Variants in ANKRD36B observed in about 807,000 individuals in gnomAD.
The protein encoded by ANKRD36B is ankyrin repeat domain 36B.
Under a neutral mutation model 135.7 loss-of-function variants are expected in ANKRD36B, and 37 were observed. The ratio of observed to expected loss-of-function variants is 0.27; its 90% CI spans 0.21 to 0.36. The LOEUF (loss-of-function observed/expected upper bound fraction) is 0.36. ANKRD36B is among the 10% of genes least tolerant of loss of function. The pLI, the probability that ANKRD36B is intolerant of heterozygous loss-of-function variation, is 1.00. For synonymous variants in ANKRD36B, 179 were observed against 348.1 expected (o/e 0.51, Z 5.41); for missense variants, 549 against 1,037.1 (o/e 0.53, Z 6.46).
At chr2:97,552,288 T>A (rs889131701) in intron 16 of ANKRD36B, among the ~76,000 whole-genome samples, 1 of 151,950 alleles carries the variant, frequency 6.6e-6, no homozygotes, top group Non-Finnish European at 1.5e-5. Context: ...ATGACCATTT[T>A]AGGAGTTAGT....
Position 97,551,350 on chromosome 2 carries a change from A to T in ANKRD36B, c.1314T>A (p.Asp438Glu). ...QKKPALKATS[D>E]EKDSFSNITR... ...TTATATTCGAAAAAGAATCTTTCTCATCACTTGTGGCCTGAATGGAATTTG... is the reference window on the plus strand; with the variant it reads ...TTATATTCGAAAAAGAATCTTTCTCTTCACTTGTGGCCTGAATGGAATTTG... Residue 438 changes from aspartate (D) to glutamate (E), a missense_variant, in exon 18 of 44, where the codon GAT (aspartate) becomes GAA (glutamate). Physicochemically the swap from Asp to Glu is conservative, Grantham distance 45. Transcript: ENST00000359901. 6.3e-7 allele frequency: 1 copy of T among 1,594,002 alleles called. No homozygotes were observed. The highest frequency in any genetic ancestry group is 1.1e-5 in the South Asian group (1 of 89,602).
intron 6 of ANKRD36B, among the ~76,000 whole-genome samples, chr2:97,573,478 G>A (rs1243950972): frequency 3.9e-5 from 6 of 152,094 alleles, no homozygotes; most frequent in Non-Finnish European, 7.4e-5. Flanking sequence ...GTAATTTATA[G>A]ATTCAATGCC....
At chr2:97,587,893 G>T (rs1221655111) in intron 1 of ANKRD36B, among the ~76,000 whole-genome samples, 1 of 151,952 alleles carries the variant, frequency 6.6e-6, no homozygotes, top group East Asian at 1.9e-4. Flanking sequence ...TGCATAGGTT[G>T]CTTGAATATC....
intron 1 of ANKRD36B, among the ~76,000 whole-genome samples, chr2:97,588,096 G>A (rs201946806): frequency 0.57 from 85,815 of 150,220 alleles, 25,812 homozygotes; most frequent in Non-Finnish European, 0.67. Flanking sequence ...ATATTTGTAG[G>A]AATATAAACA....
At chr2:97,555,003 GAGA>G in intron 14 of ANKRD36B, 54 bp downstream of exon 14, 1 of 1,581,004 alleles carries the variant, frequency 6.3e-7, no homozygotes, top group Middle Eastern at 1.7e-4. Flanking sequence ...ATTTGGGGAA[GAGA>G]AGTTCTTTTC....
rs2082913685 is a variant in ANKRD36B, at chr2:97,585,460, C to A, written c.162-62G>T. The A allele has an allele frequency of 6.0e-6, 9 of 1,509,266 alleles. No individual in the cohort carries two copies. In the South Asian group the frequency reaches 1.2e-4, roughly 19 times the overall value. The allele number at this position is 1,509,266 out of a possible 1,614,324, so 93.5% of individuals were successfully genotyped here. A position where few individuals can be genotyped will look rare whatever the true frequency, so the allele number is the denominator to read the frequency against. ...GTAAGCATTAATTAGCATGTTATTTCTCTGTCTTCAAAACAAATATGTAAT... is the reference window on the plus strand; with the variant it reads ...GTAAGCATTAATTAGCATGTTATTTATCTGTCTTCAAAACAAATATGTAAT... On this transcript the variant is annotated intron_variant, in intron 1 of 43. Transcript: ENST00000359901.
At chr2:97,545,623 C>G in intron 24 of ANKRD36B, 43 bp downstream of exon 24, 1 of 891,764 alleles carries the variant, frequency 1.1e-6, no homozygotes, top group South Asian at 1.3e-5. Context: ...AAGATCTCTT[C>G]TATCTTGAAC....
Position 97,523,579 on chromosome 2 carries a change from C to T in ANKRD36B, c.2266-112G>A. On this transcript the variant is annotated intron_variant, in intron 35 of 43. Coordinates refer to ENST00000359901, the MANE Select transcript of ANKRD36B (RefSeq NM_001393939.1). ...TTTCTATGAGCACAAACACAGGTAC[C>T]TGTTCCATACTTTTTTTTTAAGCAA... 2.7e-6 allele frequency: 2 copies of T among 732,372 alleles called. 1 individual carries two copies. Among genetic ancestry groups the T allele is most frequent in the Non-Finnish European group, 4.2e-6 (2 of 479,094 alleles). The allele number at this position is 732,372 out of a possible 1,614,324, so 45.4% of individuals were successfully genotyped here. A position where few individuals can be genotyped will look rare whatever the true frequency, so the allele number is the denominator to read the frequency against.
In ANKRD36B at chr2:97,555,071, T is replaced by C. The variant is rs771084732; in HGVS notation, c.1160A>G (p.Gln387Arg). 5 of 1,611,874 alleles carry C rather than the reference T, an allele frequency of 3.1e-6. No homozygotes were observed. The highest frequency in any genetic ancestry group is 1.1e-5 in the South Asian group (1 of 91,044). ...TTTTGCAAAATTACCTGTCCCACAT[T>C]GTAGTCCATCCTTTATTTCTGTAGC... ...NTATEIKDGL[Q>R]CGTVSSQKQQ... Residue 387 changes from glutamine to arginine, a missense_variant, in exon 14 of 44, where the codon CAA becomes CGA. Coordinates refer to ENST00000359901, the MANE Select transcript of ANKRD36B (RefSeq NM_001393939.1).
Position 97,528,396 on chromosome 2 carries a change from T to G in ANKRD36B, c.2265+3915A>C, listed in dbSNP as rs1219787423. On this transcript the variant is annotated intron_variant, in intron 35 of 43. Coordinates refer to ENST00000359901, the MANE Select transcript of ANKRD36B (RefSeq NM_001393939.1). ...ACATACCAGAATCTCTGGGACACAT[T>G]CAAAGCAGTGTACAGTGGGAAATTT... Among the ~76,000 whole-genome samples the G allele has an allele frequency of 2.1e-5, 2 of 93,512 alleles. 1 individual carries two copies. The highest frequency in any genetic ancestry group is 5.7e-5 in the Non-Finnish European group (2 of 35,270). 61.3% of individuals were successfully genotyped at this position (93,512 alleles called of 152,430 possible). A position where few individuals can be genotyped will look rare whatever the true frequency, so the allele number is the denominator to read the frequency against.
At chr2:97,564,389 C>T (rs1439331880) in intron 6 of ANKRD36B, among the ~76,000 whole-genome samples, 1 of 152,040 alleles carries the variant, frequency 6.6e-6, no homozygotes, top group East Asian at 1.9e-4. Context: ...TAATTAGATC[C>T]CATTTGTCAA....
At position 97,534,926 on chromosome 2, in the gene ANKRD36B, C is replaced by G. The variant is rs1292226587; in HGVS notation, c.2191+1374G>C. Among the ~76,000 whole-genome samples, 2 of 97,050 alleles carry G rather than the reference C, an allele frequency of 2.1e-5. 1 individual carries two copies. Among genetic ancestry groups the G allele is most frequent in the African/African-American group, 6.1e-5 (2 of 32,540 alleles). 63.7% of individuals were successfully genotyped at this position (97,050 alleles called of 152,430 possible). A position where few individuals can be genotyped will look rare whatever the true frequency, so the allele number is the denominator to read the frequency against. On this transcript the variant is annotated intron_variant, in intron 34 of 43. Transcript: ENST00000359901. ...CACAATAGCCATGATTTGGAATCAA[C>G]CTAAATGTACATCAACAGAAAAATG... is the stretch of plus-strand genomic sequence containing the variant.
At chr2:97,497,027 A>C (rs1576748747) in intron 43 of ANKRD36B, among the ~76,000 whole-genome samples, 1 of 23,952 alleles carries the variant, frequency 4.2e-5, no homozygotes, top group Admixed American at 2.3e-4. Context: ...GTAAGCCTAT[A>C]CCTGCCATAG....
chr2:97,534,509 G>A (rs2078761688), intron 34 of ANKRD36B, among the ~76,000 whole-genome samples: 1 of 96,424 alleles, frequency 1.0e-5, no homozygotes, highest in Non-Finnish European at 2.8e-5. Context: ...AACATGCTCA[G>A]AAATAGTAGC....
intron 3 of ANKRD36B, 96 bp from the exon 4 acceptor site, chr2:97,580,664 C>T: frequency 8.6e-7 from 1 of 1,166,870 alleles, no homozygotes; most frequent in Admixed American, 2.6e-5. Context: ...TCAATATATA[C>T]AATTGAAAGG....
intron 35 of ANKRD36B, among the ~76,000 whole-genome samples, chr2:97,530,296 C>A: frequency 1.1e-5 from 1 of 95,128 alleles, no homozygotes; most frequent in Non-Finnish European, 2.8e-5. Flanking sequence ...GAAAAACAAG[C>A]AACGGGGAAA....
intron 6 of ANKRD36B, among the ~76,000 whole-genome samples, chr2:97,565,161 A>G (rs1409581762): frequency 2.6e-5 from 4 of 151,688 alleles, no homozygotes; most frequent in Non-Finnish European, 4.4e-5. Context: ...ATGATTTAGC[A>G]CTCTATTACT....
chr2:97,514,467 T>A (rs1222673139), intron 37 of ANKRD36B, among the ~76,000 whole-genome samples: 11 of 80,276 alleles, frequency 1.4e-4, no homozygotes, highest in Non-Finnish European at 2.9e-4. Flanking sequence ...TAAAGTTACT[T>A]TTTATAAACA....
chr2:97,550,938 C>T (rs1338838922), intron 18 of ANKRD36B, among the ~76,000 whole-genome samples: 4 of 151,888 alleles, frequency 2.6e-5, no homozygotes, highest in Admixed American at 1.3e-4. Flanking sequence ...TTTAGCACTA[C>T]GATGTGACGT....
Sources: allele counts gnomAD v4.1 joint callset (sites outside exome capture counted in the v4.1 genomes callset), GRCh38; gene constraint gnomAD v4.1.1; transcripts MANE v1.5; gene names NCBI Gene and HGNC (gene_info 2026-07-23, HGNC 2026-07-21).